The following PLXDC2 variants were observed in gnomAD, a reference collection of about 807,000 sequenced individuals.
PLXDC2 encodes the protein plexin domain-containing protein 2.
In PLXDC2, 40 loss-of-function variants were observed where a neutral mutation model predicts 68.9. The ratio of observed to expected loss-of-function variants is 0.58; its 90% CI spans 0.45 to 0.76. The LOEUF (loss-of-function observed/expected upper bound fraction) is 0.76. PLXDC2 is among the 30% of genes least tolerant of loss of function. The pLI, the probability that PLXDC2 is intolerant of heterozygous loss-of-function variation, is 0.00. For missense variants in PLXDC2, 644 were observed against 661.9 expected (o/e 0.97, Z 0.30); for synonymous variants, 243 against 234.2 (o/e 1.04, Z -0.34).
intron 2 of PLXDC2, among the ~76,000 whole-genome samples, chr10:20,007,331 C>T (rs765522557): frequency 6.6e-6 from 1 of 152,216 alleles, no homozygotes; most frequent in Non-Finnish European, 1.5e-5. Context: ...CAGCCTATTG[C>T]TGTAGAATAG....
intron 1 of PLXDC2, among the ~76,000 whole-genome samples, chr10:19,836,036 A>T (rs759775359): frequency 2.6e-4 from 40 of 151,760 alleles, no homozygotes; most frequent in Non-Finnish European, 5.6e-4. Flanking sequence ...AATTAGCAGG[A>T]TGTGGTGGTG....
At chr10:20,146,044 A>G (rs1474366051) in intron 5 of PLXDC2, among the ~76,000 whole-genome samples, 1 of 152,202 alleles carries the variant, frequency 6.6e-6, no homozygotes, top group African/African-American at 2.4e-5. Flanking sequence ...AGGAAAGGAA[A>G]CGGGTTCATG....
At chr10:20,052,722 C>CAAAAAAAAAAAAAAAA (rs59776582) in intron 3 of PLXDC2, among the ~76,000 whole-genome samples, 39 of 92,396 alleles carry the variant, frequency 4.2e-4, no homozygotes, top group African/African-American at 5.0e-4. Flanking sequence ...ACAAATTATG[C>CAAAAAAAAAAAAAAAA]AAAAAAAAAA....
intron 3 of PLXDC2, among the ~76,000 whole-genome samples, chr10:20,050,598 A>G (rs563648268): frequency 8.5e-5 from 13 of 152,290 alleles, no homozygotes; most frequent in African/African-American, 3.1e-4. Context: ...CAAGCATATG[A>G]AAAAAAGCTC....
chr10:19,881,038 G>C (rs1314670080), intron 1 of PLXDC2, among the ~76,000 whole-genome samples: 2 of 152,060 alleles, frequency 1.3e-5, no homozygotes, highest in Non-Finnish European at 1.5e-5. Flanking sequence ...CTACATCTTT[G>C]AACGAGTTGA....
chr10:20,283,220 C>G lies in PLXDC2; in HGVS notation c.*3401C>G, dbSNP rs1836104116. 1 of 152,170 alleles carries G rather than the reference C, an allele frequency of 6.6e-6. No individual in the cohort carries two copies. The highest frequency in any genetic ancestry group is 2.4e-5 in the African/African-American group (1 of 41,450). The allele number at this position is 152,170 out of a possible 1,614,324, so 9.4% of individuals were successfully genotyped here. Reference sequence around the variant, plus strand: ...TATGGAGTAATGAAAAAAATACAAGCTGACACAGCTTTAAATCCCCACTGT... The same window carrying G: ...TATGGAGTAATGAAAAAAATACAAGGTGACACAGCTTTAAATCCCCACTGT... On this transcript the variant is annotated 3_prime_UTR_variant, in exon 14 of 14. Transcript: ENST00000377252.
intron 2 of PLXDC2, among the ~76,000 whole-genome samples, chr10:20,018,871 G>T (rs967940872): frequency 7.2e-5 from 11 of 152,050 alleles, no homozygotes; most frequent in African/African-American, 2.7e-4. Flanking sequence ...TAAGTTGTAG[G>T]ATCATATGAA....
chr10:19,922,209 C>T (rs1396414931), intron 1 of PLXDC2, among the ~76,000 whole-genome samples: 1 of 152,196 alleles, frequency 6.6e-6, no homozygotes. Flanking sequence ...ATTCTGATGT[C>T]CACAGAAATG....
At chr10:19,968,327 T>C (rs1050425022) in intron 1 of PLXDC2, among the ~76,000 whole-genome samples, 2 of 152,202 alleles carry the variant, frequency 1.3e-5, no homozygotes, top group Non-Finnish European at 2.9e-5. Flanking sequence ...TTTTTGTTGT[T>C]GTTGAGACAG....
At chr10:20,164,611 G>A in intron 7 of PLXDC2, 44 bp downstream of exon 7, 1 of 1,474,076 alleles carries the variant, frequency 6.8e-7, no homozygotes, top group South Asian at 1.1e-5. Flanking sequence ...CCTCTGTGGG[G>A]GTAAATTTAA....
intron 13 of PLXDC2, among the ~76,000 whole-genome samples, chr10:20,255,118 A>G (rs1471892486): frequency 6.6e-6 from 1 of 152,048 alleles, no homozygotes; most frequent in Non-Finnish European, 1.5e-5. Flanking sequence ...TTAATTCCCT[A>G]ATTATTTCAA....
chr10:20,218,574 A>T (rs1309798580), intron 11 of PLXDC2, among the ~76,000 whole-genome samples: 1 of 152,134 alleles, frequency 6.6e-6, no homozygotes, highest in African/African-American at 2.4e-5. Flanking sequence ...TTCAGTCAGG[A>T]TAAGATCTCT....
At chr10:20,263,941 A>G (rs1835840243) in intron 13 of PLXDC2, among the ~76,000 whole-genome samples, 1 of 152,186 alleles carries the variant, frequency 6.6e-6, no homozygotes, top group South Asian at 2.1e-4. Context: ...CATATGACCC[A>G]GCAATCCCAT....
chr10:19,857,153 C>T (rs983910358), intron 1 of PLXDC2, among the ~76,000 whole-genome samples: 1 of 152,126 alleles, frequency 6.6e-6, no homozygotes, highest in Non-Finnish European at 1.5e-5. Context: ...AGTTACTTGC[C>T]TAAAGTTCTA....
At chr10:20,004,059 T>C (rs571586199) in intron 2 of PLXDC2, among the ~76,000 whole-genome samples, 1 of 152,234 alleles carries the variant, frequency 6.6e-6, no homozygotes, top group East Asian at 1.9e-4. Context: ...TGCACCACAA[T>C]CCCTGAAATA....
At position 19,885,014 on chromosome 10, in the gene PLXDC2, G is replaced by C. The variant is rs1370172795; in HGVS notation, c.112+67823G>C. 3.9e-5 allele frequency among the ~76,000 whole-genome samples: 6 copies of C among 152,258 alleles called. No homozygotes were observed. The South Asian group carries it at 6.2e-4, about 16-fold the overall frequency. Reference sequence around the variant, plus strand: ...TTTCTCCACATCCTCTCCAGCACCTGTTGTTTCCTGACTTTTTAATGATTG... The same window carrying C: ...TTTCTCCACATCCTCTCCAGCACCTCTTGTTTCCTGACTTTTTAATGATTG... On this transcript the variant is annotated intron_variant, in intron 1 of 13. Coordinates refer to ENST00000377252, the MANE Select transcript of PLXDC2 (RefSeq NM_032812.9).
intron 12 of PLXDC2, among the ~76,000 whole-genome samples, chr10:20,227,460 A>T (rs951988047): frequency 6.6e-6 from 1 of 151,904 alleles, no homozygotes; most frequent in African/African-American, 2.4e-5. Context: ...GGGGATTGAC[A>T]TAGAAAGAGG....
At chr10:20,078,742 G>A (rs989016944) in intron 4 of PLXDC2, among the ~76,000 whole-genome samples, 3 of 152,044 alleles carry the variant, frequency 2.0e-5, no homozygotes, top group Non-Finnish European at 4.4e-5. Flanking sequence ...TAAGGAGTGA[G>A]TAGAAATCTG....
intron 1 of PLXDC2, among the ~76,000 whole-genome samples, chr10:19,974,736 A>T (rs1053031099): frequency 6.6e-6 from 1 of 152,210 alleles, no homozygotes; most frequent in Non-Finnish European, 1.5e-5. Context: ...CACTATACCC[A>T]TGGAGAACCT....
Sources: allele counts gnomAD v4.1 joint callset (sites outside exome capture counted in the v4.1 genomes callset), GRCh38; gene constraint gnomAD v4.1.1; transcripts MANE v1.5; gene names NCBI Gene and HGNC (gene_info 2026-07-23, HGNC 2026-07-21).